Variants in ESRRG observed in about 807,000 individuals in gnomAD.
ESRRG encodes the protein estrogen related receptor gamma.
Under a neutral mutation model 44.0 loss-of-function variants are expected in ESRRG, and 13 were observed. That is an observed-to-expected ratio of 0.30 (90% CI 0.19 to 0.47). The LOEUF (loss-of-function observed/expected upper bound fraction) is 0.47. ESRRG is among the 20% of genes least tolerant of loss of function. The probability of loss-of-function intolerance (pLI) is 1.00; values close to 1 mark genes in which losing one functional copy is unlikely to be tolerated. For missense variants in ESRRG, 395 were observed against 580.6 expected, an observed-to-expected ratio of 0.68 and a Z score of 3.29; for synonymous variants, 215 against 214.6, an observed-to-expected ratio of 1.00 and a Z score of -0.02.
intron 5 of ESRRG, among the ~76,000 whole-genome samples, chr1:216,547,247 ATGT>A (rs772557678): frequency 3.8e-5 from 5 of 132,162 alleles, no homozygotes; most frequent in East Asian, 2.2e-4. Context: ...GATGATGTTG[ATGT>A]TGTTGATGAT....
intron 1 of ESRRG, among the ~76,000 whole-genome samples, chr1:216,690,995 G>T (rs2078957011): frequency 6.6e-6 from 1 of 152,104 alleles, no homozygotes. Flanking sequence ...GTATATTTTG[G>T]AAGAAAAGAA....
At chr1:216,721,509 A>C (rs941083901) in intron 1 of ESRRG, among the ~76,000 whole-genome samples, 9 of 152,218 alleles carry the variant, frequency 5.9e-5, no homozygotes, top group African/African-American at 2.2e-4. Context: ...ATTGAGCCCA[A>C]AAGAAAGCTA....
At chr1:217,112,811 C>A (rs1034586219) in intron 1 of ESRRG, among the ~76,000 whole-genome samples, 1 of 152,132 alleles carries the variant, frequency 6.6e-6, no homozygotes, top group Non-Finnish European at 1.5e-5. Flanking sequence ...TAAAGGGATG[C>A]CCCACAGAAA....
chr1:216,872,662 C>CTATTT (rs1236021392), intron 2 of ESRRG, among the ~76,000 whole-genome samples: 1 of 151,986 alleles, frequency 6.6e-6, no homozygotes, highest in East Asian at 1.9e-4. Flanking sequence ...ATTTTTCTTT[C>CTATTT]TATTTCTTAT....
chr1:216,869,866 G>A (rs2096235321), intron 2 of ESRRG, among the ~76,000 whole-genome samples: 1 of 151,816 alleles, frequency 6.6e-6, no homozygotes, highest in South Asian at 2.1e-4. Context: ...CTAGTATATA[G>A]AAATGCAATG....
intron 2 of ESRRG, among the ~76,000 whole-genome samples, chr1:216,899,440 T>C (rs1329811600): frequency 6.6e-6 from 1 of 152,196 alleles, no homozygotes; most frequent in Admixed American, 6.5e-5. Flanking sequence ...TGAAGCAGTC[T>C]CAAAGGCATT....
chr1:216,687,026 C>T (rs1214413430), intron 1 of ESRRG, among the ~76,000 whole-genome samples: 4 of 149,138 alleles, frequency 2.7e-5, no homozygotes, highest in Non-Finnish European at 5.9e-5. Flanking sequence ...TGGCAGGGCC[C>T]GTGTGTGTGT....
intron 2 of ESRRG, among the ~76,000 whole-genome samples, chr1:216,872,223 A>AT (rs61238881): frequency 0.053 from 7,993 of 151,838 alleles, 748 homozygotes; most frequent in African/African-American, 0.18. Flanking sequence ...CTTGTTCAAG[A>AT]TTTTTTTTGT....
chr1:216,647,345 A>AT lies in ESRRG; in HGVS notation c.589+3627dup, dbSNP rs562059407. 6.2e-4 allele frequency among the ~76,000 whole-genome samples: 94 copies of AT among 152,214 alleles called. No homozygotes were observed. In the Middle Eastern group the frequency reaches 0.01, roughly 17 times the overall value. ...TAGAGCAGAGAGAAAGACAAAGAGGATTTTTTCAGGATGCTGAATGGTGCC... is the reference window on the plus strand; with the variant it reads ...TAGAGCAGAGAGAAAGACAAAGAGGATTTTTTTCAGGATGCTGAATGGTGCC... On this transcript the variant is annotated intron_variant, in intron 3 of 6. Coordinates refer to ENST00000408911, the MANE Select transcript of ESRRG (RefSeq NM_001438.4).
chr1:216,680,806 A>G (rs11580756), intron 1 of ESRRG, among the ~76,000 whole-genome samples: 23,295 of 152,258 alleles, frequency 0.15, 2,225 homozygotes, highest in South Asian at 0.32. Context: ...ACAACTATCT[A>G]TAAATTCAAT....
At chr1:216,726,723 G>T (rs555829320), upstream of ESRRG, among the ~76,000 whole-genome samples, 5 of 152,208 alleles carry the variant, frequency 3.3e-5, no homozygotes, top group South Asian at 2.1e-4. Flanking sequence ...TATGCATCAG[G>T]CTCTTGGTGT....
At position 216,506,944 on chromosome 1, in the gene ESRRG, C is replaced by A. The variant is rs761196018; in HGVS notation, c.1372G>T (p.Val458Phe). The A allele has an allele frequency of 9.3e-6, 15 of 1,613,478 alleles. No individual in the cohort carries two copies. The highest frequency in any genetic ancestry group is 6.7e-5 in the Admixed American group (4 of 59,976). ...KLFLEMLEAK[V>F] is the part of the protein sequence containing the mutation. ...AAGGCCCAGGGAGCTTTTAGTCAGA[C>A]CTTGGCCTCCAACATTTCCAAAAAA... is the stretch of plus-strand genomic sequence containing the variant. Residue 458 changes from valine to phenylalanine, a missense_variant, in exon 7 of 7, where the codon GTC becomes TTC. Val to Phe is a conservative substitution (Grantham distance 50). Coordinates refer to ENST00000408911, the MANE Select transcript of ESRRG (RefSeq NM_001438.4).
At chr1:216,889,416 G>C (rs2576268) in intron 2 of ESRRG, among the ~76,000 whole-genome samples, 127,040 of 152,188 alleles carry the variant, frequency 0.83, 53,644 homozygotes, top group African/African-American at 0.96. Flanking sequence ...CTGAGGCTGA[G>C]AGGCCATGGA....
chr1:217,040,531 A>C (rs2083662801), intron 1 of ESRRG, among the ~76,000 whole-genome samples: 1 of 152,228 alleles, frequency 6.6e-6, no homozygotes, highest in South Asian at 2.1e-4. Flanking sequence ...AAGCTTTTTC[A>C]GCAATAAGTT....
intron 2 of ESRRG, among the ~76,000 whole-genome samples, chr1:216,763,703 T>A (rs1443906535): frequency 6.6e-6 from 1 of 152,156 alleles, no homozygotes; most frequent in Non-Finnish European, 1.5e-5. Context: ...GTTTTCACTG[T>A]GCATGGGCAG....
At chr1:217,115,319 T>A (rs1167967733) in intron 1 of ESRRG, among the ~76,000 whole-genome samples, 2 of 152,170 alleles carry the variant, frequency 1.3e-5, no homozygotes, top group African/African-American at 4.8e-5. Flanking sequence ...AAATGTCAGC[T>A]GACATGAAAA....
At chr1:216,970,971 A>G (rs1389978083) in intron 1 of ESRRG, among the ~76,000 whole-genome samples, 1 of 152,120 alleles carries the variant, frequency 6.6e-6, no homozygotes, top group East Asian at 1.9e-4. Context: ...ATGCAAATAG[A>G]CAGAAAGGTC....
chr1:216,933,539 T>A (rs868224215), intron 2 of ESRRG, among the ~76,000 whole-genome samples: 1 of 152,150 alleles, frequency 6.6e-6, no homozygotes, highest in Non-Finnish European at 1.5e-5. Context: ...ATGGTGAACA[T>A]GGAGCTGATG....
intron 2 of ESRRG, among the ~76,000 whole-genome samples, chr1:216,891,260 C>T (rs1363676402): frequency 1.3e-5 from 2 of 152,146 alleles, no homozygotes; most frequent in Admixed American, 1.3e-4. Flanking sequence ...TCTCTTAATC[C>T]TTTTCATCAC....
Sources: allele counts gnomAD v4.1 joint callset (sites outside exome capture counted in the v4.1 genomes callset), GRCh38; gene constraint gnomAD v4.1.1; transcripts MANE v1.5; gene names NCBI Gene and HGNC (gene_info 2026-07-23, HGNC 2026-07-21).